Variants in NOC2L observed in about 807,000 individuals in gnomAD.
NOC2L encodes the protein nucleolar complex protein 2 homolog.
NOC2L carries 101 observed loss-of-function variants against 94.2 expected under a neutral mutation model. That is an observed-to-expected ratio of 1.07 (90% CI 0.91 to 1.26). NOC2L has a LOEUF of 1.26. NOC2L is among the 50% of genes most tolerant of loss of function. The pLI, the probability that NOC2L is intolerant of heterozygous loss-of-function variation, is 0.00. For synonymous variants in NOC2L, 531 were observed against 413.4 expected, an observed-to-expected ratio of 1.28 and a Z score of -3.45; for missense variants, 1,076 against 980.1, an observed-to-expected ratio of 1.10 and a Z score of -1.31.
chr1:958,857 G>C (rs1251613229), intron 2 of NOC2L, 72 bp downstream of exon 2: 5 of 1,549,034 alleles, frequency 3.2e-6, no homozygotes, highest in Non-Finnish European at 4.5e-6. Flanking sequence ...TGAGACCCCA[G>C]GCGAGGTCAG....
At chr1:946,037 A>C (rs1642098504) in intron 16 of NOC2L, 136 bp downstream of exon 16, 1 of 679,150 alleles carries the variant, frequency 1.5e-6, no homozygotes, top group Non-Finnish European at 2.5e-6. Context: ...CCCCCTCTCC[A>C]AGTCGAATCA....
intron 5 of NOC2L, 24 bp downstream of exon 5, chr1:956,071 A>C: frequency 2.5e-6 from 4 of 1,614,038 alleles, no homozygotes; most frequent in Non-Finnish European, 3.4e-6. Context: ...GACAGCCTGG[A>C]TGCCAGGCTC....
At chr1:954,494 C>T (rs770140027) in intron 6 of NOC2L, 49 of 180,906 alleles carry the variant, frequency 2.7e-4, no homozygotes, top group Non-Finnish European at 4.8e-4. Context: ...CACCAACTGC[C>T]GCAGACTGGT....
intron 6 of NOC2L, among the ~76,000 whole-genome samples, chr1:955,296 G>A (rs571862040): frequency 8.5e-5 from 13 of 152,224 alleles, no homozygotes; most frequent in Non-Finnish European, 7.3e-5. Flanking sequence ...GACCTCTCCT[G>A]TGGGTCTCCT....
rs992026428 is a variant in NOC2L, at chr1:946,269, C to T, written c.1821G>A (p.Leu607=). The T allele has an allele frequency of 1.2e-6, 2 of 1,613,642 alleles. No homozygotes were observed. Among genetic ancestry groups the T allele is most frequent in the Admixed American group, 1.7e-5 (1 of 59,998 alleles). The change falls in exon 16 of 19, where the codon CTG becomes CTA. Residue 607 remains leucine, a synonymous_variant. Transcript: ENST00000327044. ...EQQAVEAWEK[L]TREEGTPLTL... is the part of the protein sequence containing the mutation. ...TCAGGGGTGTCCCCTCTTCCCGGGT[C>T]AGCTTCTCCCAGGCTTCCTGGGGGG... is the stretch of plus-strand genomic sequence containing the variant.
intron 8 of NOC2L, among the ~76,000 whole-genome samples, chr1:953,536 GGAA>G (rs1233084826): frequency 6.6e-6 from 1 of 152,260 alleles, no homozygotes; most frequent in Non-Finnish European, 1.5e-5. Flanking sequence ...GATCACACCG[GGAA>G]GAAGATACCT....
intron 4 of NOC2L, among the ~76,000 whole-genome samples, chr1:956,486 C>T (rs1557622814): frequency 6.6e-6 from 1 of 152,138 alleles, no homozygotes; most frequent in Non-Finnish European, 1.5e-5. Context: ...GTATCTGGAG[C>T]TCTCCGTATC....
Position 957,093 on chromosome 1 carries a change from C to A in NOC2L, c.354+6G>T. The A allele has an allele frequency of 1.2e-6, 2 of 1,614,032 alleles. No individual in the cohort carries two copies. The highest frequency in any genetic ancestry group is 1.7e-6 in the Non-Finnish European group (2 of 1,180,004). Reference sequence around the variant, plus strand: ...GCCCCCCTTCTGGTTTGGCCCACGCCCTCACCTCCAGCACATCTGGCAGGG... The same window carrying A: ...GCCCCCCTTCTGGTTTGGCCCACGCACTCACCTCCAGCACATCTGGCAGGG... On this transcript the variant is annotated splice_donor_region_variant and intron_variant, in intron 3 of 18. Transcript: ENST00000327044.
chr1:957,531 C>T (rs1642446680), intron 2 of NOC2L: 1 of 484,072 alleles, frequency 2.1e-6, no homozygotes, highest in Non-Finnish European at 3.8e-6. Context: ...AGGCCCCCAG[C>T]CGCGGTCTTC....
rs1385917909 is a variant in NOC2L at position 945,163 on chromosome 1, A to T, written c.2054-17T>A. 7 of 1,583,496 alleles carry T rather than the reference A, an allele frequency of 4.4e-6. No homozygotes were observed. The highest frequency in any genetic ancestry group is 6.0e-6 in the Non-Finnish European group (7 of 1,164,416). On this transcript the variant is annotated splice_polypyrimidine_tract_variant and intron_variant, in intron 17 of 18. Transcript: ENST00000327044. ...TCAGTATCCCTGAGGAACAAGAAGC[A>T]GAGTCCATATGACTCCCACCCACAG...
At chr1:951,294 T>A in intron 11 of NOC2L, 56 bp from the exon 12 acceptor site, 2 of 1,311,590 alleles carry the variant, frequency 1.5e-6, no homozygotes, top group East Asian at 2.5e-5. Flanking sequence ...CCCCTGCCCC[T>A]CCCCCTGCTG....
At chr1:957,444 A>G (rs1642442315) in intron 2 of NOC2L, 171 bp from the exon 3 acceptor site, 1 of 631,864 alleles carries the variant, frequency 1.6e-6, no homozygotes, top group East Asian at 2.8e-5. Context: ...CCTCTACAAC[A>G]TACCCTCAAA....
chr1:951,878 G>C (rs1485308159), intron 11 of NOC2L, 122 bp downstream of exon 11: 1 of 1,133,432 alleles, frequency 8.8e-7, no homozygotes, highest in Non-Finnish European at 1.2e-6. Context: ...CCCTTCCTCA[G>C]GGACGGCCAG....
intron 4 of NOC2L, among the ~76,000 whole-genome samples, 186 bp from the exon 5 acceptor site, chr1:956,401 G>A (rs1215753627): frequency 2.0e-5 from 3 of 152,180 alleles, no homozygotes; most frequent in African/African-American, 4.8e-5. Flanking sequence ...TCTGGGAAGA[G>A]GAGGGAGTCT....
rs1278223609 is a variant in NOC2L at position 952,031 on chromosome 1, G to A, written c.1300C>T (p.Pro434Ser). The change falls in exon 11 of 19, where the codon CCC becomes TCC. Residue 434 changes from proline to serine, a missense_variant. Coordinates refer to ENST00000327044, the MANE Select transcript of NOC2L (RefSeq NM_015658.4). ...CAGCCAATGATGACTTGGGCAAGGG[G>A]GTAGACCAAGGGCTGGAGGGCTTCG... The part of the protein sequence containing the change: ...PSEALQPLVY[P>S]LAQVIIGCIK... 2 of 1,613,312 alleles carry A rather than the reference G, an allele frequency of 1.2e-6. No individual in the cohort carries two copies. The highest frequency in any genetic ancestry group is 8.5e-7 in the Non-Finnish European group (1 of 1,179,792).
rs759700388 is a variant in NOC2L at position 944,665 on chromosome 1, G to A, written c.*29C>T. 5 of 1,415,780 alleles carry A rather than the reference G, an allele frequency of 3.5e-6. No individual in the cohort carries two copies. In the Admixed American group the frequency reaches 8.7e-5, roughly 25 times the overall value. The allele number at this position is 1,415,780 out of a possible 1,614,324, so 87.7% of individuals were successfully genotyped here. A position where few individuals can be genotyped will look rare whatever the true frequency, so the allele number is the denominator to read the frequency against. On this transcript the variant is annotated 3_prime_UTR_variant, in exon 19 of 19. Transcript: ENST00000327044. ...GGAAACACTGGCCACCAGCCCGGCA[G>A]CCCCTACAGGCCCCCCAGATGGGCT...
chr1:948,071 G>A (rs1642164811), intron 14 of NOC2L, 60 bp downstream of exon 14: 1 of 1,393,136 alleles, frequency 7.2e-7, no homozygotes, highest in South Asian at 1.3e-5. Context: ...GCCTGGGGCA[G>A]CCAAGCCCGT....
chr1:954,211 C>T (rs1642339060), intron 6 of NOC2L, 129 bp from the exon 7 acceptor site: 1 of 812,728 alleles, frequency 1.2e-6, no homozygotes, highest in East Asian at 2.7e-5. Flanking sequence ...TCTCTCCACT[C>T]AAAAAAGCTC....
chr1:949,246 G>A (rs917033502), intron 12 of NOC2L, among the ~76,000 whole-genome samples: 9 of 152,332 alleles, frequency 5.9e-5, no homozygotes, highest in South Asian at 4.1e-4. Context: ...GTGAACCAGA[G>A]AGATCCAGGG....
Sources: gnomAD v4.1 joint callset for allele counts (sites outside exome capture counted in the v4.1 genomes callset) on GRCh38, gnomAD v4.1.1 for gene constraint, MANE v1.5 for transcripts, NCBI Gene and HGNC (gene_info 2026-07-23, HGNC 2026-07-21) for gene names.